MAP4: variants seen among roughly 807,000 people sequenced by gnomAD.
MAP4 encodes the protein microtubule-associated protein 4.
MAP4 carries 76 observed loss-of-function variants against 170.2 expected under a neutral mutation model. The observed-to-expected ratio is 0.45, with a 90% CI of 0.37 to 0.54. MAP4 has a LOEUF of 0.54. MAP4 is among the 20% of genes least tolerant of loss of function. MAP4 has a pLI of 0.00. For synonymous variants in MAP4, 909 were observed against 994.5 expected, an observed-to-expected ratio of 0.91 and a Z score of 1.62; for missense variants, 2,506 against 2,748.0, an observed-to-expected ratio of 0.91 and a Z score of 1.97.
chr3:48,088,507 C>A (rs918331733), intron 1 of MAP4, among the ~76,000 whole-genome samples: 4 of 151,874 alleles, frequency 2.6e-5, no homozygotes, highest in South Asian at 2.1e-4. Flanking sequence ...ACCGCCCCGA[C>A]CCTCAAAAGC....
At chr3:48,067,272 A>AG (rs2100138785) in intron 1 of MAP4, among the ~76,000 whole-genome samples, 1 of 151,984 alleles carries the variant, frequency 6.6e-6, no homozygotes, top group Non-Finnish European at 1.5e-5. Context: ...TTTACAGTAG[A>AG]GGGGAAAAAA....
In MAP4 at chr3:47,911,552, T is replaced by C. The variant is rs1194950830; in HGVS notation, c.2869A>G (p.Met957Val). The change falls in exon 9 of 21, where the codon ATG (methionine) becomes GTG (valine). Residue 957 changes from methionine to valine, a missense_variant. Around this residue, in one of 3 missense-constraint regions of MAP4, gnomAD observed 2,008 missense variants for 2,206.0 expected, o/e 0.91. Coordinates refer to ENST00000683076, the MANE Select transcript of MAP4 (RefSeq NM_001385682.1). The surrounding 1 kb of genome is among the most constrained non-coding windows in gnomAD (Gnocchi z 4.0). ...GCSPFLDQEVMGVVSKPTAAK... is the reference protein window; with the variant it reads ...GCSPFLDQEVVGVVSKPTAAK... ...GCTGTGGGTTTTGAAACTACACCCA[T>C]AACCTCTTGGTCCAAGAAAGGAGAG... The C allele has an allele frequency of 9.8e-6, 15 of 1,536,000 alleles. No homozygotes were observed. The highest frequency in any genetic ancestry group is 1.4e-5 in the African/African-American group (1 of 73,040).
At chr3:47,987,568 A>G (rs2100089551) in intron 2 of MAP4, 3 of 520,572 alleles carry the variant, frequency 5.8e-6, no homozygotes, top group Admixed American at 3.3e-5. Context: ...ACCGTCCTCC[A>G]AACTCCGGAC....
At chr3:48,043,621 C>T (rs763746873) in intron 1 of MAP4, among the ~76,000 whole-genome samples, 3 of 152,038 alleles carry the variant, frequency 2.0e-5, no homozygotes, top group Non-Finnish European at 4.4e-5. Context: ...CAAAACTTGT[C>T]AAAGGAAACA....
chr3:47,993,562 T>G (rs1199032838), intron 2 of MAP4, among the ~76,000 whole-genome samples: 1 of 152,224 alleles, frequency 6.6e-6, no homozygotes, highest in Admixed American at 6.5e-5. Context: ...CCAAAATGGT[T>G]GCATCCAGAT....
At chr3:48,063,493 C>T (rs1183026771) in intron 1 of MAP4, among the ~76,000 whole-genome samples, 1 of 152,060 alleles carries the variant, frequency 6.6e-6, no homozygotes, top group Non-Finnish European at 1.5e-5. Flanking sequence ...CAATTGCACT[C>T]CTTGATATTT....
intron 15 of MAP4, among the ~76,000 whole-genome samples, chr3:47,870,296 C>T (rs1186511910): frequency 6.6e-6 from 1 of 152,180 alleles, no homozygotes; most frequent in East Asian, 1.9e-4. Flanking sequence ...CAGTGCAGTC[C>T]TGCTGTTTAG....
At chr3:47,965,058 T>C (rs137873417) in intron 3 of MAP4, among the ~76,000 whole-genome samples, 258 of 152,320 alleles carry the variant, frequency 1.7e-3, no homozygotes, top group African/African-American at 5.6e-3. Flanking sequence ...CTACTTTGTT[T>C]CTGTAAATTT....
chr3:47,898,042 C>T (rs1260532247), intron 10 of MAP4, among the ~76,000 whole-genome samples: 2 of 151,946 alleles, frequency 1.3e-5, no homozygotes, highest in Admixed American at 1.3e-4. Context: ...TTTCTAATTT[C>T]CAGTCTTAAG....
intron 1 of MAP4, among the ~76,000 whole-genome samples, chr3:48,009,179 C>A (rs941751754): frequency 2.0e-5 from 3 of 152,182 alleles, no homozygotes; most frequent in Admixed American, 2.0e-4. Context: ...TGGCTCATTG[C>A]AACATCCGCC....
chr3:47,933,252 T>C (rs1214198462), intron 3 of MAP4, among the ~76,000 whole-genome samples: 3 of 152,118 alleles, frequency 2.0e-5, no homozygotes, highest in Non-Finnish European at 2.9e-5. Context: ...ACTGGCTTTG[T>C]AAATGGGCTC....
Position 47,909,056 on chromosome 3 carries a change from T to C in MAP4, c.5365A>G (p.Lys1789Glu), listed in dbSNP as rs772221502. Residue 1789 changes from lysine (K) to glutamate (E), a missense_variant, in exon 9 of 21, where the codon AAG (lysine) becomes GAG (glutamate). Transcript: ENST00000683076. ...KSTIQEQERH[K>E]QLKSAVCLSS... is the part of the protein sequence containing the mutation. The stretch of plus-strand genomic sequence containing the variant: ...TTCATACCAGCGGACTTCAGTTGCT[T>C]ATGTCTCTCTTGTTCCTGGATTGTA... 3.1e-6 allele frequency: 5 copies of C among 1,613,366 alleles called. No individual in the cohort carries two copies. The highest frequency in any genetic ancestry group is 4.2e-6 in the Non-Finnish European group (5 of 1,179,638).
intron 1 of MAP4, among the ~76,000 whole-genome samples, chr3:48,009,267 AT>A (rs1288330363): frequency 6.6e-6 from 1 of 151,992 alleles, no homozygotes; most frequent in Non-Finnish European, 1.5e-5. Flanking sequence ...CACCCAGCTA[AT>A]TTTTGTATTT....
chr3:47,999,290 C>T (rs1559762517), intron 1 of MAP4, among the ~76,000 whole-genome samples: 1 of 152,114 alleles, frequency 6.6e-6, no homozygotes, highest in East Asian at 1.9e-4. Context: ...TGACCAAAGA[C>T]TGTGAGTATG....
At chr3:47,932,000 T>C (rs1045482957) in intron 3 of MAP4, 1 of 152,190 alleles carries the variant, frequency 6.6e-6, no homozygotes, top group Non-Finnish European at 1.5e-5. Flanking sequence ...TTTTTTAGCA[T>C]ATACACAGTT....
At chr3:48,059,336 G>A (rs1412475672) in intron 1 of MAP4, among the ~76,000 whole-genome samples, 2 of 151,616 alleles carry the variant, frequency 1.3e-5, no homozygotes, top group African/African-American at 2.4e-5. Flanking sequence ...GCAACATGGT[G>A]AAACCCCGTT....
rs186343027 is a variant in MAP4, at chr3:48,048,386, T to A, written c.-20+40387A>T. On this transcript the variant is annotated intron_variant, in intron 1 of 18. Coordinates refer to the MAP4 transcript ENST00000360240. The stretch of plus-strand genomic sequence containing the variant: ...ACCTAGTAAAAGTAGCATCACTTAT[T>A]TGGCAACATCTAGTATTTAAGAACC... Among the ~76,000 whole-genome samples the A allele has an allele frequency of 1.2e-4, 19 of 152,124 alleles. 1 individual carries two copies. In the East Asian group the frequency reaches 3.5e-3, roughly 28 times the overall value.
chr3:48,000,247 A>G (rs1360037175), intron 1 of MAP4, among the ~76,000 whole-genome samples: 2 of 145,238 alleles, frequency 1.4e-5, no homozygotes, highest in Admixed American at 6.9e-5. Flanking sequence ...AAAAAAAAAA[A>G]GAGCCAAAGG....
At chr3:47,905,899 T>A (rs1024961126) in intron 9 of MAP4, among the ~76,000 whole-genome samples, 2 of 151,632 alleles carry the variant, frequency 1.3e-5, no homozygotes, top group African/African-American at 4.8e-5. Context: ...GAGGCTGAGG[T>A]AGGAGAATCG....
Sources: gnomAD v4.1 joint callset for allele counts (sites outside exome capture counted in the v4.1 genomes callset) on GRCh38, gnomAD v4.1.1 for gene constraint, gnomAD v4.1.1 regional missense constraint, Gnocchi (gnomAD v3.1) non-coding constraint, MANE v1.5 for transcripts, NCBI Gene and HGNC (gene_info 2026-07-23, HGNC 2026-07-21) for gene names.